Variants in EIF4E3 observed in about 807,000 individuals in gnomAD.
The protein encoded by EIF4E3 is eukaryotic translation initiation factor 4E family member 3.
Under a neutral mutation model 31.7 loss-of-function variants are expected in EIF4E3, and 26 were observed. That is an observed-to-expected ratio of 0.82 (90% confidence interval 0.60 to 1.14). EIF4E3 has a LOEUF of 1.14. Ranked by LOEUF, EIF4E3 falls within the 50% of genes most tolerant of loss-of-function variation. The probability of loss-of-function intolerance (pLI) is 0.00; values close to 1 mark genes in which losing one functional copy is unlikely to be tolerated. For synonymous variants in EIF4E3, 128 were observed against 107.7 expected, an observed-to-expected ratio of 1.19 and a Z score of -1.17; for missense variants, 304 against 270.9, an observed-to-expected ratio of 1.12 and a Z score of -0.86.
chr3:71,754,474 T>C, upstream of EIF4E3: 1 of 1,321,130 alleles, frequency 7.6e-7, no homozygotes, highest in South Asian at 2.0e-5. The surrounding 1 kb of genome is among the most constrained non-coding windows in gnomAD (Gnocchi z 5.8). Flanking sequence ...TGCGCCGCCA[T>C]GCTGGTGTGC....
intron 2 of EIF4E3, among the ~76,000 whole-genome samples, chr3:71,701,018 C>T (rs886692774): frequency 6.6e-6 from 1 of 152,078 alleles, no homozygotes; most frequent in African/African-American, 2.4e-5. Context: ...AGAGGATGGC[C>T]ATGTACAAAC....
In EIF4E3 at chr3:71,680,594, T is replaced by G. The variant is rs2048912006; in HGVS notation, c.*4088A>C. 1 of 152,136 alleles carries G rather than the reference T, an allele frequency of 6.6e-6. No homozygotes were observed. The highest frequency in any genetic ancestry group is 1.5e-5 in the Non-Finnish European group (1 of 68,012). 9.4% of individuals were successfully genotyped at this position (152,136 alleles called of 1,614,324 possible). ...ATGTATATGTAAAAATAATAGAAAA[T>G]AAAATCAGAACAGTATAATCTGACA... On this transcript the variant is annotated 3_prime_UTR_variant, in exon 7 of 7. Coordinates refer to ENST00000425534, the MANE Select transcript of EIF4E3 (RefSeq NM_001134651.2).
At chr3:71,745,189 A>G (rs1047788533) in intron 1 of EIF4E3, among the ~76,000 whole-genome samples, 9 of 152,232 alleles carry the variant, frequency 5.9e-5, no homozygotes, top group African/African-American at 2.2e-4. Flanking sequence ...CAATTCTGCA[A>G]ATGAAAGGGT....
intron 1 of EIF4E3, among the ~76,000 whole-genome samples, chr3:71,747,515 A>T (rs1437722187): frequency 6.6e-6 from 1 of 152,208 alleles, no homozygotes. Context: ...CTCTGGATAC[A>T]AGTCCCCCAT....
At chr3:71,752,826 G>A (rs368134778) in intron 1 of EIF4E3, among the ~76,000 whole-genome samples, 1 of 152,196 alleles carries the variant, frequency 6.6e-6, no homozygotes, top group African/African-American at 2.4e-5. Context: ...GCCTGTTGTG[G>A]GGCTGGTCCA....
intron 1 of EIF4E3, among the ~76,000 whole-genome samples, chr3:71,723,494 GTCT>G (rs1269355141): frequency 3.3e-5 from 5 of 152,166 alleles, no homozygotes; most frequent in Non-Finnish European, 5.9e-5. Flanking sequence ...TATAGTTTTT[GTCT>G]TCATTAAAGT....
intron 2 of EIF4E3, among the ~76,000 whole-genome samples, chr3:71,699,957 G>C (rs984387176): frequency 6.6e-6 from 1 of 152,134 alleles, no homozygotes; most frequent in African/African-American, 2.4e-5. Context: ...CGGATCACTT[G>C]AGCCCAGGAG....
chr3:71,686,934 T>G (rs1048507304), intron 6 of EIF4E3, among the ~76,000 whole-genome samples: 4 of 152,216 alleles, frequency 2.6e-5, no homozygotes, highest in African/African-American at 9.6e-5. Context: ...GCAAACATTT[T>G]CAGGAAAAGG....
At chr3:71,707,449 T>A (rs2049309200) in intron 2 of EIF4E3, among the ~76,000 whole-genome samples, 1 of 152,168 alleles carries the variant, frequency 6.6e-6, no homozygotes, top group East Asian at 1.9e-4. Context: ...CAAGCATTAC[T>A]AAGAACTATA....
intron 1 of EIF4E3, among the ~76,000 whole-genome samples, chr3:71,736,416 A>G (rs2049764078): frequency 6.6e-6 from 1 of 152,242 alleles, no homozygotes. Context: ...GTCCTTTAGC[A>G]GTCAGTAGAT....
At chr3:71,751,030 G>C (rs13061134) in intron 1 of EIF4E3, among the ~76,000 whole-genome samples, 19,893 of 151,890 alleles carry the variant, frequency 0.13, 1,614 homozygotes, top group South Asian at 0.35. Context: ...CCAAAGTGCT[G>C]GGATTACAGG....
chr3:71,722,778 G>C (rs1035746905), intron 1 of EIF4E3, among the ~76,000 whole-genome samples: 3 of 152,230 alleles, frequency 2.0e-5, no homozygotes, highest in African/African-American at 7.2e-5. Flanking sequence ...GTTTGTTGGG[G>C]TGTGGGTATG....
chr3:71,727,083 T>C (rs57712842), upstream of EIF4E3, among the ~76,000 whole-genome samples: 156 of 152,276 alleles, frequency 1.0e-3, no homozygotes, highest in African/African-American at 3.7e-3. Context: ...GATTTGAACA[T>C]AGGTATTCAG....
At chr3:71,738,111 C>T (rs539238619) in intron 1 of EIF4E3, among the ~76,000 whole-genome samples, 7 of 152,310 alleles carry the variant, frequency 4.6e-5, no homozygotes, top group African/African-American at 1.7e-4. Flanking sequence ...CAATAACTTC[C>T]CTGGGTTTTC....
chr3:71,701,496 G>A (rs769947841), intron 2 of EIF4E3, among the ~76,000 whole-genome samples: 75 of 152,180 alleles, frequency 4.9e-4, no homozygotes, highest in Non-Finnish European at 8.8e-4. Context: ...GAATTACTAC[G>A]CTATGAATGC....
chr3:71,701,991 A>C (rs1198955466), intron 2 of EIF4E3, among the ~76,000 whole-genome samples: 3 of 152,144 alleles, frequency 2.0e-5, no homozygotes, highest in African/African-American at 7.2e-5. Flanking sequence ...CCAATATTTC[A>C]GTTTCTGTGG....
Position 71,677,636 on chromosome 3 carries a change from G to A in EIF4E3, c.*7046C>T, listed in dbSNP as rs1019474618. On this transcript the variant is annotated 3_prime_UTR_variant, in exon 7 of 7. Transcript: ENST00000425534. ...CTAGTGTTATGCCCTGCTCTTCAACGATTTCATTAAATTCGCTGTGTTAAA... is the reference window on the plus strand; with the variant it reads ...CTAGTGTTATGCCCTGCTCTTCAACAATTTCATTAAATTCGCTGTGTTAAA... The A allele has an allele frequency of 3.3e-5, 5 of 152,190 alleles. No individual in the cohort carries two copies. Among genetic ancestry groups the A allele is most frequent in the Admixed American group, 1.3e-4 (2 of 15,276 alleles). 9.4% of individuals were successfully genotyped at this position (152,190 alleles called of 1,614,324 possible).
upstream of EIF4E3, chr3:71,754,303 C>T: frequency 8.7e-7 from 1 of 1,152,580 alleles, no homozygotes; most frequent in Non-Finnish European, 1.1e-6. The surrounding 1 kb of genome is among the most constrained non-coding windows in gnomAD (Gnocchi z 5.8). Flanking sequence ...GCGGCGGCCG[C>T]GGCGGGGGCG....
intron 2 of EIF4E3, among the ~76,000 whole-genome samples, chr3:71,706,388 A>G (rs922224849): frequency 6.6e-6 from 1 of 152,232 alleles, no homozygotes; most frequent in African/African-American, 2.4e-5. Context: ...CTCAAAGTAT[A>G]AAAAGACTCA....
Sources: gnomAD v4.1 joint callset for allele counts (sites outside exome capture counted in the v4.1 genomes callset) on GRCh38, gnomAD v4.1.1 for gene constraint, Gnocchi (gnomAD v3.1) non-coding constraint, MANE v1.5 for transcripts, NCBI Gene and HGNC (gene_info 2026-07-23, HGNC 2026-07-21) for gene names.